The following CSRNP3 variants were observed in gnomAD, a reference collection of about 807,000 sequenced individuals.
CSRNP3 encodes cysteine and serine rich nuclear protein 3, also known as cysteine/serine-rich nuclear protein 3.
A neutral mutation model predicts 48.0 loss-of-function variants in CSRNP3; 12 were observed. That is an observed-to-expected ratio of 0.25 (90% confidence interval 0.16 to 0.41). The LOEUF is 0.41. Ranked by LOEUF, CSRNP3 falls within the 10% of genes least tolerant of loss-of-function variation. The pLI, the probability that CSRNP3 is intolerant of heterozygous loss-of-function variation, is 1.00. For synonymous variants in CSRNP3, 263 were observed against 269.7 expected, an observed-to-expected ratio of 0.98 and a Z score of 0.24; for missense variants, 580 against 724.4, an observed-to-expected ratio of 0.80 and a Z score of 2.29.
rs1390247166 is a variant in CSRNP3, at chr2:165,487,313, G to T, written c.-282-7446G>T. Among the ~76,000 whole-genome samples the T allele has an allele frequency of 6.8e-4, 95 of 139,646 alleles. 1 individual carries two copies. The highest frequency in any genetic ancestry group is 2.4e-3 in the African/African-American group (85 of 35,638). The allele number at this position is 139,646 out of a possible 152,430, so 91.6% of individuals were successfully genotyped here. On this transcript the variant is annotated intron_variant, in intron 1 of 6. Transcript: ENST00000651982. ...GACTATGTGAAAAGACCAAATCTAC[G>T]TCTGATTGGTGTACCTGAAAGTGAT...
chr2:165,613,201 G>C lies in CSRNP3; in HGVS notation c.148+17988G>C, dbSNP rs140083444. 5.3e-4 allele frequency among the ~76,000 whole-genome samples: 81 copies of C among 152,068 alleles called. 1 individual carries two copies. The East Asian group carries it at 6.6e-3, about 12-fold the overall frequency. Reference sequence around the variant, plus strand: ...TGCCGAGCATTTTTTAATAATACTTGTTGGCTATTTATATGTCTTCTTTAG... The same window carrying C: ...TGCCGAGCATTTTTTAATAATACTTCTTGGCTATTTATATGTCTTCTTTAG... On this transcript the variant is annotated intron_variant, in intron 4 of 6. Transcript: ENST00000651982.
intron 4 of CSRNP3, among the ~76,000 whole-genome samples, chr2:165,644,053 C>T (rs1030674299): frequency 5.9e-5 from 9 of 152,158 alleles, no homozygotes; most frequent in African/African-American, 2.2e-4. Context: ...CAGGATTTCT[C>T]TTTCAAAATC....
chr2:165,631,483 A>G (rs537889042), intron 4 of CSRNP3, among the ~76,000 whole-genome samples: 1 of 152,240 alleles, frequency 6.6e-6, no homozygotes, highest in African/African-American at 2.4e-5. Flanking sequence ...TATTTATTCC[A>G]TTGATATTCT....
At chr2:165,539,334 A>C (rs2105250742) in intron 3 of CSRNP3, among the ~76,000 whole-genome samples, 1 of 151,992 alleles carries the variant, frequency 6.6e-6, no homozygotes, top group Non-Finnish European at 1.5e-5. Context: ...AGTACACTGA[A>C]TTTTCATGGC....
Position 165,676,370 on chromosome 2 carries a change from T to C in CSRNP3, c.467T>C (p.Ile156Thr), listed in dbSNP as rs999378375. 2.2e-5 allele frequency: 35 copies of C among 1,613,950 alleles called. No individual in the cohort carries two copies. The highest frequency in any genetic ancestry group is 2.8e-5 in the Non-Finnish European group (33 of 1,179,944). The change falls in exon 6 of 7, where the codon ATT becomes ACT. Residue 156 changes from isoleucine (I) to threonine (T), a missense_variant. Ile to Thr is a moderately conservative substitution (Grantham distance 89, BLOSUM62 -1). Coordinates refer to ENST00000651982, the MANE Select transcript of CSRNP3 (RefSeq NM_001172173.2). ...GCCAGCACTCTTACACTGGATGACA[T>C]TTCTGATGATGACATTGACCTGGAC... is the stretch of plus-strand genomic sequence containing the variant. The part of the protein sequence containing the change: ...EEASTLTLDD[I>T]SDDDIDLDNT...
intron 1 of CSRNP3, among the ~76,000 whole-genome samples, chr2:165,493,761 A>G (rs1381820602): frequency 2.0e-5 from 3 of 152,086 alleles, no homozygotes; most frequent in Non-Finnish European, 4.4e-5. Context: ...GAGGTCATTT[A>G]CTATTGTACT....
intron 3 of CSRNP3, among the ~76,000 whole-genome samples, chr2:165,588,108 C>T (rs1489163793): frequency 2.0e-5 from 3 of 151,808 alleles, no homozygotes; most frequent in Admixed American, 6.6e-5. Context: ...ATAAATAATA[C>T]GGATTTAGAA....
At chr2:165,668,012 A>G (rs1687263645) in intron 5 of CSRNP3, among the ~76,000 whole-genome samples, 1 of 152,188 alleles carries the variant, frequency 6.6e-6, no homozygotes, top group Non-Finnish European at 1.5e-5. Context: ...TGGGACTGGT[A>G]ATTATCAAGG....
intron 4 of CSRNP3, among the ~76,000 whole-genome samples, chr2:165,641,031 C>A (rs1435393128): frequency 6.6e-6 from 1 of 152,210 alleles, no homozygotes; most frequent in Non-Finnish European, 1.5e-5. Context: ...ATCCATTTAT[C>A]TTTTACATAG....
chr2:165,523,045 C>T (rs1486423762), intron 3 of CSRNP3, among the ~76,000 whole-genome samples: 3 of 152,268 alleles, frequency 2.0e-5, no homozygotes, highest in South Asian at 4.2e-4. Flanking sequence ...GATTAGTGCA[C>T]CTGCTATTTT....
chr2:165,680,381 A>C lies in CSRNP3; in HGVS notation c.*628A>C, dbSNP rs2105367480. On this transcript the variant is annotated 3_prime_UTR_variant, in exon 7 of 7. Transcript: ENST00000651982. ...TGACTGATCAGATTTGCAAATTCTT[A>C]AGGGTGAAATAGGCCTATTTTTGCT... 1 of 152,730 alleles carries C rather than the reference A, an allele frequency of 6.5e-6. No individual in the cohort carries two copies. Among genetic ancestry groups the C allele is most frequent in the East Asian group, 1.9e-4 (1 of 5,166 alleles). The allele number at this position is 152,730 out of a possible 1,614,324, so 9.5% of individuals were successfully genotyped here. A position where few individuals can be genotyped will look rare whatever the true frequency, so the allele number is the denominator to read the frequency against.
At chr2:165,541,030 G>A (rs1264535976) in intron 3 of CSRNP3, among the ~76,000 whole-genome samples, 2 of 151,708 alleles carry the variant, frequency 1.3e-5, no homozygotes, top group Non-Finnish European at 1.5e-5. Context: ...GTCTTGTATT[G>A]CCCCAACTGC....
chr2:165,657,122 CCAG>C (rs1687017472), intron 4 of CSRNP3, among the ~76,000 whole-genome samples: 1 of 152,142 alleles, frequency 6.6e-6, no homozygotes, highest in African/African-American at 2.4e-5. Context: ...TTCTCTTTGT[CCAG>C]CACATCAGTG....
intron 4 of CSRNP3, among the ~76,000 whole-genome samples, chr2:165,618,129 G>C (rs559020559): frequency 6.6e-6 from 1 of 152,326 alleles, no homozygotes; most frequent in East Asian, 1.9e-4. Flanking sequence ...CCTGTACTTG[G>C]CTAGGGCCTG....
At chr2:165,667,802 C>T (rs1244352011) in intron 5 of CSRNP3, among the ~76,000 whole-genome samples, 2 of 152,206 alleles carry the variant, frequency 1.3e-5, no homozygotes, top group Non-Finnish European at 2.9e-5. Context: ...ACTTCAATAA[C>T]TTGCACATAT....
chr2:165,641,749 G>T (rs1044079100), intron 4 of CSRNP3, among the ~76,000 whole-genome samples: 3 of 152,118 alleles, frequency 2.0e-5, no homozygotes, highest in African/African-American at 4.8e-5. Flanking sequence ...GAGAACCAAG[G>T]TTTGGAATTT....
intron 4 of CSRNP3, among the ~76,000 whole-genome samples, chr2:165,629,640 A>G (rs1298878748): frequency 6.6e-6 from 1 of 152,174 alleles, no homozygotes; most frequent in Non-Finnish European, 1.5e-5. Context: ...GCAGAGTGAA[A>G]TGTTTTCCCT....
At chr2:165,471,983 T>C (rs949499145) in intron 1 of CSRNP3, among the ~76,000 whole-genome samples, 34 of 152,188 alleles carry the variant, frequency 2.2e-4, no homozygotes, top group Non-Finnish European at 4.0e-4. Flanking sequence ...CATTTTTTTT[T>C]CCTTTGGTAC....
At chr2:165,522,539 G>T (rs1212922101) in intron 3 of CSRNP3, among the ~76,000 whole-genome samples, 2 of 151,902 alleles carry the variant, frequency 1.3e-5, no homozygotes, top group Non-Finnish European at 2.9e-5. Flanking sequence ...GAAAGGAAAA[G>T]AGTTTATTAC....
Sources: gnomAD v4.1 joint callset for allele counts (sites outside exome capture counted in the v4.1 genomes callset) on GRCh38, gnomAD v4.1.1 for gene constraint, MANE v1.5 for transcripts, NCBI Gene and HGNC (gene_info 2026-07-23, HGNC 2026-07-21) for gene names.